The following MRTFA variants were observed in gnomAD, a reference collection of about 807,000 sequenced individuals.
The protein encoded by MRTFA is myocardin-related transcription factor A.
A neutral mutation model predicts 83.5 loss-of-function variants in MRTFA; 20 were observed. The observed-to-expected ratio is 0.24, with a 90% CI of 0.17 to 0.35. The LOEUF (loss-of-function observed/expected upper bound fraction) is 0.35. Among genes scored for constraint, MRTFA ranks in the 10% least tolerant of loss-of-function variants. The pLI is 1.00. For missense variants in MRTFA, 1,200 were observed against 1,224.7 expected (o/e 0.98, Z 0.30); for synonymous variants, 659 against 541.2 (o/e 1.22, Z -3.02).
At chr22:40,524,047 T>G (rs1260877264) in intron 3 of MRTFA, among the ~76,000 whole-genome samples, 2 of 152,180 alleles carry the variant, frequency 1.3e-5, no homozygotes, top group African/African-American at 4.8e-5. Context: ...TCACACCCTA[T>G]AGTCAATGAG....
At chr22:40,511,373 C>A (rs1327932844) in intron 3 of MRTFA, among the ~76,000 whole-genome samples, 1 of 152,066 alleles carries the variant, frequency 6.6e-6, no homozygotes, top group African/African-American at 2.4e-5. Context: ...CTGAGAATGG[C>A]GATATCAGTT....
intron 1 of MRTFA, among the ~76,000 whole-genome samples, chr22:40,602,595 T>C (rs990463741): frequency 1.3e-5 from 2 of 151,794 alleles, no homozygotes; most frequent in African/African-American, 4.8e-5. Flanking sequence ...TCCCAGAACT[T>C]TGGGAGGCCA....
intron 3 of MRTFA, among the ~76,000 whole-genome samples, chr22:40,517,753 C>G (rs2054785751): frequency 6.6e-6 from 1 of 152,124 alleles, no homozygotes; most frequent in Non-Finnish European, 1.5e-5. Flanking sequence ...TCCCTTTCAA[C>G]CAAACCTGAG....
At chr22:40,543,642 CAA>C (rs1219541064) in intron 3 of MRTFA, among the ~76,000 whole-genome samples, 2 of 152,072 alleles carry the variant, frequency 1.3e-5, no homozygotes, top group Admixed American at 1.3e-4. Context: ...TTAAAACACA[CAA>C]AGTGTCTAAA....
At chr22:40,623,070 T>C (rs1375350364) in intron 1 of MRTFA, among the ~76,000 whole-genome samples, 2 of 152,218 alleles carry the variant, frequency 1.3e-5, no homozygotes, top group African/African-American at 4.8e-5. Context: ...TTCAGCAACA[T>C]GTAAGCCAGC....
intron 3 of MRTFA, chr22:40,523,266 C>T (rs1290964856): frequency 6.6e-6 from 1 of 152,086 alleles, no homozygotes; most frequent in Non-Finnish European, 1.5e-5. Context: ...CATATAAATC[C>T]AACACATCTC....
chr22:40,467,790 AC>A (rs2053834378), intron 3 of MRTFA, among the ~76,000 whole-genome samples: 1 of 152,212 alleles, frequency 6.6e-6, no homozygotes, highest in South Asian at 2.1e-4. Context: ...TAAAGACTCA[AC>A]AAAAATATTT....
chr22:40,564,879 G>A (rs951913020), intron 2 of MRTFA, among the ~76,000 whole-genome samples: 1 of 151,898 alleles, frequency 6.6e-6, no homozygotes, highest in Non-Finnish European at 1.5e-5. Context: ...TCAAACTCCC[G>A]AGCTCAGGCA....
chr22:40,459,206 T>G (rs1602277063), intron 4 of MRTFA, among the ~76,000 whole-genome samples: 2 of 118,750 alleles, frequency 1.7e-5, no homozygotes, highest in African/African-American at 6.7e-5. Flanking sequence ...AGGGTAGTGG[T>G]GAGGGAGGGT....
chr22:40,577,022 A>C (rs1983486466), intron 2 of MRTFA, among the ~76,000 whole-genome samples: 1 of 152,164 alleles, frequency 6.6e-6, no homozygotes, highest in South Asian at 2.1e-4. Flanking sequence ...CAGGAGTTTG[A>C]GACCAGCCTG....
chr22:40,630,096 T>C (rs1026319241), intron 1 of MRTFA, among the ~76,000 whole-genome samples: 1 of 152,032 alleles, frequency 6.6e-6, no homozygotes, highest in Non-Finnish European at 1.5e-5. Flanking sequence ...GCGGATCACC[T>C]GAGGTCAGGA....
At chr22:40,525,032 A>T (rs1185582626) in intron 3 of MRTFA, among the ~76,000 whole-genome samples, 1 of 151,680 alleles carries the variant, frequency 6.6e-6, no homozygotes, top group Non-Finnish European at 1.5e-5. Flanking sequence ...CTGGTCTTAA[A>T]CTCCTGGCCT....
rs372603961 is a variant in MRTFA, at chr22:40,525,935, G to A, written c.241+26171C>T. Among the ~76,000 whole-genome samples the A allele has an allele frequency of 8.6e-5, 13 of 152,012 alleles. No individual in the cohort carries two copies. In the South Asian group the frequency reaches 2.7e-3, roughly 32 times the overall value. On this transcript the variant is annotated intron_variant, in intron 3 of 14. Transcript: ENST00000355630. ...AATAAACAAATGAACTATCTATTCT[G>A]CAAATAAGTGGTATGAAGGAAAATA... is the stretch of plus-strand genomic sequence containing the variant.
At chr22:40,447,226 C>G (rs1298729176) in intron 4 of MRTFA, among the ~76,000 whole-genome samples, 1 of 151,778 alleles carries the variant, frequency 6.6e-6, no homozygotes, top group Non-Finnish European at 1.5e-5. Flanking sequence ...GTGGCGCGCA[C>G]CTGTAGTCCG....
chr22:40,541,930 C>T (rs942441119), intron 3 of MRTFA, among the ~76,000 whole-genome samples: 36 of 152,002 alleles, frequency 2.4e-4, no homozygotes, highest in African/African-American at 8.2e-4. Context: ...CCTCCCAAAG[C>T]GCTGGGATTA....
intron 3 of MRTFA, among the ~76,000 whole-genome samples, chr22:40,524,271 G>GGGC (rs1481046706): frequency 3.3e-5 from 5 of 152,060 alleles, no homozygotes; most frequent in African/African-American, 1.2e-4. Context: ...ACTCCACCCT[G>GGGC]GGCAGCAGAG....
rs111632596 is a variant in MRTFA, at chr22:40,410,299, G to GTGTT, written c.*1087_*1090dup. On this transcript the variant is annotated 3_prime_UTR_variant, in exon 15 of 15. Coordinates refer to ENST00000355630, the MANE Select transcript of MRTFA (RefSeq NM_020831.6). Reference sequence around the variant, plus strand: ...GATGGACTAACAGGCCTGTGTTTTTGTGTTTATTTTAAAAAGTTCACACAC... The same window carrying GTGTT: ...GATGGACTAACAGGCCTGTGTTTTTGTGTTTGTTTATTTTAAAAAGTTCACACAC... 1.5e-4 allele frequency: 82 copies of GTGTT among 556,620 alleles called. No homozygotes were observed. Among genetic ancestry groups the GTGTT allele is most frequent in the African/African-American group, 1.8e-4 (9 of 50,998 alleles). The allele number at this position is 556,620 out of a possible 1,614,324, so 34.5% of individuals were successfully genotyped here.
intron 3 of MRTFA, among the ~76,000 whole-genome samples, chr22:40,508,404 C>T (rs745680506): frequency 1.3e-5 from 2 of 148,532 alleles, no homozygotes; most frequent in African/African-American, 2.5e-5. Context: ...TTCAGCTACT[C>T]AGGAGGCTGA....
intron 2 of MRTFA, among the ~76,000 whole-genome samples, chr22:40,584,959 C>T (rs1421192119): frequency 2.0e-5 from 3 of 151,974 alleles, no homozygotes; most frequent in Non-Finnish European, 4.4e-5. Context: ...GTGGTAGGAT[C>T]GCTTGAACCT....
Sources: allele counts gnomAD v4.1 joint callset (sites outside exome capture counted in the v4.1 genomes callset), GRCh38; gene constraint gnomAD v4.1.1; transcripts MANE v1.5; gene names NCBI Gene and HGNC (gene_info 2026-07-23, HGNC 2026-07-21).